Variants in SLC25A46 observed in about 807,000 individuals in gnomAD.
SLC25A46 encodes solute carrier family 25 member 46, also known as mitochondrial outer membrane protein SLC25A46.
A neutral mutation model predicts 44.6 loss-of-function variants in SLC25A46; 39 were observed. The observed-to-expected ratio is 0.87, with a 90% CI of 0.68 to 1.14. SLC25A46 has a LOEUF of 1.14. Ranked by LOEUF, SLC25A46 falls within the 50% of genes most tolerant of loss-of-function variation. SLC25A46 has a pLI of 0.00. For missense variants in SLC25A46, 547 were observed against 522.7 expected (o/e 1.05, Z -0.45); for synonymous variants, 202 against 185.8 (o/e 1.09, Z -0.71).
chr5:110,743,709 A>G, intron 2 of SLC25A46, 21 bp from the exon 3 acceptor site: 1 of 1,478,312 alleles, frequency 6.8e-7, no homozygotes, highest in Non-Finnish European at 9.3e-7. Flanking sequence ...ACATACATAT[A>G]CATAAATTAT....
rs1800243883 is a variant in SLC25A46 at position 110,761,323 on chromosome 5, C to T, written c.798C>T (p.Phe266=). 1 of 1,613,808 alleles carries T rather than the reference C, an allele frequency of 6.2e-7. No individual in the cohort carries two copies. Among genetic ancestry groups the T allele is most frequent in the South Asian group, 1.1e-5 (1 of 91,072 alleles). ...KRLLPLLSLI[F]PTVLHGVLHY... ...TTCTTCCGCTTCTTTCCTTGATCTT[C>T]CCTACGGTGCTTCATGGAGTTCTTC... The change falls in exon 8 of 8, where the codon TTC becomes TTT. Residue 266 remains phenylalanine (F), a synonymous_variant. Coordinates refer to ENST00000355943, the MANE Select transcript of SLC25A46 (RefSeq NM_138773.4). The surrounding 1 kb of genome is among the most constrained non-coding windows in gnomAD (Gnocchi z 5.3).
At chr5:110,753,594 CTG>C (rs1800027125) in intron 5 of SLC25A46, 1 of 152,006 alleles carries the variant, frequency 6.6e-6, no homozygotes, top group Non-Finnish European at 1.5e-5. Context: ...GGTTTAGTGA[CTG>C]AAGCTTTTAA....
rs746331886 is a variant in SLC25A46, at chr5:110,761,332, G to C, written c.807G>C (p.Val269=). 1.9e-6 allele frequency: 3 copies of C among 1,613,780 alleles called. No individual in the cohort carries two copies. The South Asian group carries it at 3.3e-5, about 18-fold the overall frequency. The change falls in exon 8 of 8, where the codon GTG becomes GTC. Residue 269 remains valine, a synonymous_variant. Coordinates refer to ENST00000355943, the MANE Select transcript of SLC25A46 (RefSeq NM_138773.4). This position sits in a 1 kb window ranked among gnomAD's most constrained non-coding sequence, Gnocchi z 5.3. ...LPLLSLIFPT[V]LHGVLHYIIS... ...TTCTTTCCTTGATCTTCCCTACGGT[G>C]CTTCATGGAGTTCTTCATTACATCA... is the stretch of plus-strand genomic sequence containing the variant.
intron 2 of SLC25A46, among the ~76,000 whole-genome samples, chr5:110,742,962 C>T (rs937981426): frequency 1.3e-5 from 2 of 152,032 alleles, no homozygotes; most frequent in African/African-American, 2.4e-5. Context: ...AAGAAAAACA[C>T]CTTATTTGCA....
chr5:110,761,516 C>T lies in SLC25A46; in HGVS notation c.991C>T (p.Leu331Phe), dbSNP rs1800250446. 1 of 1,613,702 alleles carries T rather than the reference C, an allele frequency of 6.2e-7. No individual in the cohort carries two copies. The highest frequency in any genetic ancestry group is 1.3e-5 in the African/African-American group (1 of 74,904). The change falls in exon 8 of 8, where the codon CTT becomes TTT. Residue 331 changes from leucine (L) to phenylalanine (F), a missense_variant. By Grantham distance (22) the Leu-to-Phe change is conservative. Coordinates refer to ENST00000355943, the MANE Select transcript of SLC25A46 (RefSeq NM_138773.4). The surrounding 1 kb of genome is among the most constrained non-coding windows in gnomAD (Gnocchi z 5.3). ...FAASLCSDVI[L>F]YPLETVLHRL... ...TGCCAGTCTTTGTTCTGACGTTATACTTTACCCATTGGAAACAGTTTTGCA... is the reference window on the plus strand; with the variant it reads ...TGCCAGTCTTTGTTCTGACGTTATATTTTACCCATTGGAAACAGTTTTGCA...
chr5:110,759,155 G>C (rs992550945), intron 7 of SLC25A46, among the ~76,000 whole-genome samples: 1 of 152,110 alleles, frequency 6.6e-6, no homozygotes, highest in African/African-American at 2.4e-5. Context: ...TATGGGGAAA[G>C]TAGACATAAA....
At position 110,758,822 on chromosome 5, in the gene SLC25A46, T is replaced by C. The variant is rs532610904; in HGVS notation, c.678+2063T>C. ...GAAAGAAAGAAAGAAATCCTTGTAC[T>C]AGTCTCCACATTTTAAAAGTCAATA... is the stretch of plus-strand genomic sequence containing the variant. On this transcript the variant is annotated intron_variant, in intron 7 of 7. Coordinates refer to ENST00000355943, the MANE Select transcript of SLC25A46 (RefSeq NM_138773.4). Among the ~76,000 whole-genome samples the C allele has an allele frequency of 2.6e-5, 4 of 152,094 alleles. No homozygotes were observed. The East Asian group carries it at 7.7e-4, about 29-fold the overall frequency.
chr5:110,750,583 C>A (rs1477168515), intron 5 of SLC25A46, among the ~76,000 whole-genome samples: 1 of 152,072 alleles, frequency 6.6e-6, no homozygotes, highest in African/African-American at 2.4e-5. Flanking sequence ...TAAATCATTT[C>A]TTGATTCCTT....
intron 5 of SLC25A46, among the ~76,000 whole-genome samples, chr5:110,752,590 CTTATTTTAAACACACG>C (rs1321440002): frequency 6.6e-6 from 1 of 152,144 alleles, no homozygotes; most frequent in Non-Finnish European, 1.5e-5. Context: ...TCCGAATTTG[CTTATTTTAAACACACG>C]TTATTTTAAA....
chr5:110,750,346 A>C (rs536909844), intron 5 of SLC25A46, among the ~76,000 whole-genome samples: 8 of 152,094 alleles, frequency 5.3e-5, no homozygotes, highest in African/African-American at 1.9e-4. Flanking sequence ...TAGTACTTAT[A>C]GTCAAATATT....
Position 110,748,207 on chromosome 5 carries a change from C to A in SLC25A46, c.507C>A (p.Val169=). Residue 169 remains valine (V), a synonymous_variant, in exon 5 of 8, where the codon GTC becomes GTA. Coordinates refer to ENST00000355943, the MANE Select transcript of SLC25A46 (RefSeq NM_138773.4). ...AAGGAATGGGAAGTACATTTATTGT[C>A]CAGGGAGTCACACTTGGAGCAGAAG... ...LWKGMGSTFI[V]QGVTLGAEGI... 6.2e-7 allele frequency: 1 copy of A among 1,613,538 alleles called. No individual in the cohort carries two copies. The highest frequency in any genetic ancestry group is 8.5e-7 in the Non-Finnish European group (1 of 1,179,632).
chr5:110,754,780 GCAGAGAGTACCGGGGTTTAGAA>G (rs1270720357), intron 5 of SLC25A46: 1 of 152,214 alleles, frequency 6.6e-6, no homozygotes, highest in East Asian at 1.9e-4. Flanking sequence ...GGCAGTACAG[GCAGAGAGTACCGGGGTTTAGAA>G]CAGAGTTCCA....
In SLC25A46 at chr5:110,748,149, T is replaced by G; in HGVS notation, c.463-14T>G. The G allele has an allele frequency of 6.3e-7, 1 of 1,591,888 alleles. No individual in the cohort carries two copies. The highest frequency in any genetic ancestry group is 8.6e-7 in the Non-Finnish European group (1 of 1,160,692). ...AGGTATTAACAGAAATAACATGAAT[T>G]TTGTTCAATTTAGGGACCTAGAGCC... On this transcript the variant is annotated splice_polypyrimidine_tract_variant and intron_variant, in intron 4 of 7. Transcript: ENST00000355943.
Position 110,764,277 on chromosome 5 carries a change from T to C in SLC25A46, c.*2495T>C, listed in dbSNP as rs543999629. The C allele has an allele frequency of 7.5e-4, 114 of 151,964 alleles. 1 individual carries two copies. The highest frequency in any genetic ancestry group is 2.5e-3 in the African/African-American group (105 of 41,516). The allele number at this position is 151,964 out of a possible 1,614,324, so 9.4% of individuals were successfully genotyped here. On this transcript the variant is annotated 3_prime_UTR_variant, in exon 8 of 8. Transcript: ENST00000355943. ...AAAACTGGTAAATATTAATTTACTA[T>C]GTAAAGTGAACTTACGAATTAACTT...
At chr5:110,752,111 C>T (rs913930824) in intron 5 of SLC25A46, among the ~76,000 whole-genome samples, 1 of 151,998 alleles carries the variant, frequency 6.6e-6, no homozygotes, top group Non-Finnish European at 1.5e-5. Flanking sequence ...AATTGCGTAA[C>T]ATTTACTAGG....
At chr5:110,759,363 G>A (rs1026162163) in intron 7 of SLC25A46, among the ~76,000 whole-genome samples, 5 of 152,098 alleles carry the variant, frequency 3.3e-5, no homozygotes, top group African/African-American at 1.2e-4. Context: ...CTAAGTAGAG[G>A]GAAGGCAAGT....
rs1799530097 is a variant in SLC25A46 at position 110,739,146 on chromosome 5, T to A, written c.27T>A (p.Phe9Leu). Residue 9 changes from phenylalanine (F) to leucine (L), a missense_variant, in exon 1 of 8, where the codon TTT (phenylalanine) becomes TTA (leucine). Physicochemically the swap from Phe to Leu is conservative, Grantham distance 22. Transcript: ENST00000355943. ...TGCATCCGCGGCGCCCGGACGGATT[T>A]GATGGCTTGGGCTACCGGGGTGGTG... MHPRRPDG[F>L]DGLGYRGGAR... 2 of 1,549,252 alleles carry A rather than the reference T, an allele frequency of 1.3e-6. No homozygotes were observed. The highest frequency in any genetic ancestry group is 1.7e-6 in the Non-Finnish European group (2 of 1,146,856).
intron 3 of SLC25A46, 178 bp from the exon 4 acceptor site, chr5:110,746,091 C>G (rs1799811298): frequency 1.8e-6 from 1 of 565,728 alleles, no homozygotes; most frequent in Non-Finnish European, 3.1e-6. Flanking sequence ...ACCATACATA[C>G]TGTACTTTTA....
chr5:110,757,084 G>A (rs1800136018), intron 7 of SLC25A46: 1 of 195,020 alleles, frequency 5.1e-6, no homozygotes, highest in African/African-American at 2.3e-5. Flanking sequence ...AACTCAGATG[G>A]TTATGGCTTA....
Sources: gnomAD v4.1 joint callset for allele counts (sites outside exome capture counted in the v4.1 genomes callset) on GRCh38, gnomAD v4.1.1 for gene constraint, Gnocchi (gnomAD v3.1) non-coding constraint, MANE v1.5 for transcripts, NCBI Gene and HGNC (gene_info 2026-07-23, HGNC 2026-07-21) for gene names.